The following MTCL3 variants were observed in gnomAD, a reference collection of about 807,000 sequenced individuals.
MTCL3 encodes microtubule cross-linking factor 3.
the MTCL3 span, chr6:127,515,726 G>T: frequency 1.1e-5 from 18 of 1,593,388 alleles, no homozygotes; most frequent in African/African-American, 1.3e-5. This position sits in a 1 kb window ranked among gnomAD's most constrained non-coding sequence, Gnocchi z 4.3. Context: ...CAAACGGCAG[G>T]GGGGCCAGAC....
the MTCL3 span, chr6:127,517,398 A>G: frequency 6.6e-6 from 1 of 152,208 alleles, no homozygotes; most frequent in Non-Finnish European, 1.5e-5. Flanking sequence ...TGGGTTAGTT[A>G]TTAGCAACCC....
the MTCL3 span, among the ~76,000 whole-genome samples, chr6:127,493,482 C>T: frequency 6.6e-6 from 1 of 152,142 alleles, no homozygotes; most frequent in Non-Finnish European, 1.5e-5. Context: ...GGATTTTTCA[C>T]TTTGACTCCC....
chr6:127,516,697 C>T, the MTCL3 span: 33 of 1,509,778 alleles, frequency 2.2e-5, no homozygotes, highest in African/African-American at 1.4e-5. Context: ...AACCTTCCTT[C>T]CTAAGCTGGG....
At chr6:127,516,195 G>C in the MTCL3 span, 3 of 1,433,920 alleles carry the variant, frequency 2.1e-6, no homozygotes, top group Non-Finnish European at 2.7e-6. Context: ...CGGGCGGTCC[G>C]GGCCTCCTGC....
At chr6:127,478,570 T>C in the MTCL3 span, among the ~76,000 whole-genome samples, 3 of 152,174 alleles carry the variant, frequency 2.0e-5, no homozygotes, top group Non-Finnish European at 4.4e-5. Context: ...TCAACAGTCA[T>C]GTAGAATCTC....
chr6:127,494,198 C>A, the MTCL3 span, among the ~76,000 whole-genome samples: 11 of 152,170 alleles, frequency 7.2e-5, no homozygotes, highest in East Asian at 1.7e-3. Context: ...AAATTGGAAC[C>A]CATGCTTTGT....
the MTCL3 span, among the ~76,000 whole-genome samples, chr6:127,484,601 T>C: frequency 1.3e-5 from 2 of 152,204 alleles, no homozygotes; most frequent in African/African-American, 4.8e-5. Flanking sequence ...CAATTATGTG[T>C]TTATTTAGTG....
the MTCL3 span, chr6:127,518,928 G>C: frequency 1.3e-5 from 2 of 152,286 alleles, no homozygotes; most frequent in Non-Finnish European, 2.9e-5. Context: ...AGATGTTCAT[G>C]AGCTGACCTC....
the MTCL3 span, among the ~76,000 whole-genome samples, chr6:127,490,060 T>A: frequency 6.6e-6 from 1 of 152,240 alleles, no homozygotes; most frequent in East Asian, 1.9e-4. Flanking sequence ...TAGCTGATAA[T>A]TTTAAGTTGA....
At chr6:127,483,081 C>G in the MTCL3 span, 1 of 943,940 alleles carries the variant, frequency 1.1e-6, no homozygotes, top group Non-Finnish European at 1.5e-6. Context: ...AAAACCAAGA[C>G]AAATAAAAAG....
chr6:127,501,575 A>G, the MTCL3 span, among the ~76,000 whole-genome samples: 148 of 152,332 alleles, frequency 9.7e-4, no homozygotes, highest in Non-Finnish European at 1.5e-3. Flanking sequence ...TAATTGTATT[A>G]ACCAGTTACC....
the MTCL3 span, chr6:127,515,484 C>T: frequency 7.1e-7 from 1 of 1,406,248 alleles, no homozygotes; most frequent in Admixed American, 3.6e-5. This position sits in a 1 kb window ranked among gnomAD's most constrained non-coding sequence, Gnocchi z 4.3. Flanking sequence ...CTCTTCCCAT[C>T]CCCCAGCCGG....
chr6:127,473,261 A>C, the MTCL3 span: 1 of 1,502,846 alleles, frequency 6.7e-7, no homozygotes, highest in Non-Finnish European at 8.8e-7. Flanking sequence ...TACTACAATG[A>C]ATGGTAAATG....
the MTCL3 span, among the ~76,000 whole-genome samples, chr6:127,497,492 A>G: frequency 6.6e-6 from 1 of 152,380 alleles, no homozygotes; most frequent in Non-Finnish European, 1.5e-5. Flanking sequence ...AAGAACAACT[A>G]CAAACTTCTT....
the MTCL3 span, among the ~76,000 whole-genome samples, chr6:127,504,458 T>G: frequency 2.9e-4 from 44 of 152,304 alleles, no homozygotes; most frequent in African/African-American, 1.0e-3. Context: ...TTATATGTTT[T>G]TATTTTTATG....
chr6:127,515,831 A>C, the MTCL3 span: 6 of 1,610,046 alleles, frequency 3.7e-6, no homozygotes, highest in Non-Finnish European at 5.1e-6. The surrounding 1 kb of genome is among the most constrained non-coding windows in gnomAD (Gnocchi z 4.3). Flanking sequence ...TTGAGATGGA[A>C]CTGGATGAGC....
the MTCL3 span, among the ~76,000 whole-genome samples, chr6:127,488,079 C>T: frequency 6.6e-6 from 1 of 152,164 alleles, no homozygotes; most frequent in African/African-American, 2.4e-5. Flanking sequence ...CCACACTCCT[C>T]ACTGCTTTCT....
the MTCL3 span, among the ~76,000 whole-genome samples, chr6:127,514,353 G>A: frequency 2.0e-5 from 3 of 152,156 alleles, no homozygotes; most frequent in African/African-American, 7.2e-5. Flanking sequence ...GTGGACACTT[G>A]CTGAAAGAAA....
chr6:127,517,199 T>C, the MTCL3 span, among the ~76,000 whole-genome samples: 3 of 152,216 alleles, frequency 2.0e-5, no homozygotes, highest in Admixed American at 1.3e-4. Flanking sequence ...AGGGTTATGA[T>C]GTAGGGTTCC....
Sources: gnomAD v4.1 joint callset for allele counts (sites outside exome capture counted in the v4.1 genomes callset) on GRCh38, gnomAD v4.1.1 for gene constraint, Gnocchi (gnomAD v3.1) non-coding constraint, MANE v1.5 for transcripts, NCBI Gene and HGNC (gene_info 2026-07-23, HGNC 2026-07-21) for gene names.